Variants in RBBP5 observed in about 807,000 individuals in gnomAD.
The protein encoded by RBBP5 is RB binding protein 5, histone lysine methyltransferase complex subunit.
Under a neutral mutation model 72.2 loss-of-function variants are expected in RBBP5, and 5 were observed. That is an observed-to-expected ratio of 0.07 (90% CI 0.04 to 0.15). The LOEUF (loss-of-function observed/expected upper bound fraction) is 0.15, where lower values mean the gene tolerates loss of function less well. RBBP5 is among the 10% of genes least tolerant of loss of function. The pLI is 1.00. For missense variants in RBBP5, 322 were observed against 652.2 expected (o/e 0.49, Z 5.51); for synonymous variants, 209 against 237.2 (o/e 0.88, Z 1.09).
intron 3 of RBBP5, among the ~76,000 whole-genome samples, chr1:205,107,162 T>C (rs1400400302): frequency 6.6e-6 from 1 of 151,936 alleles, no homozygotes; most frequent in Non-Finnish European, 1.5e-5. Flanking sequence ...AGATGTAATA[T>C]TCATGTCATC....
intron 5 of RBBP5, among the ~76,000 whole-genome samples, chr1:205,102,016 C>T (rs111540200): frequency 0.1 from 15,308 of 151,752 alleles, 1,409 homozygotes; most frequent in African/African-American, 0.24. Context: ...CCTGCCTCAG[C>T]CTCCTGAGTA....
rs1212771071 is a variant in RBBP5, at chr1:205,103,935, G to A, written c.444C>T (p.Asp148=). Reference sequence around the variant, plus strand: ...CCACAACGTTCAAATCGGAGTCATCGTCCACCGGCAGAACAACATGTTTGG... The same window carrying A: ...CCACAACGTTCAAATCGGAGTCATCATCCACCGGCAGAACAACATGTTTGG... ...SDSKHVVLPV[D]DDSDLNVVAS... is the part of the protein sequence containing the mutation. Residue 148 remains aspartate, a synonymous_variant, in exon 5 of 14, where the codon GAC becomes GAT. Coordinates refer to ENST00000264515, the MANE Select transcript of RBBP5 (RefSeq NM_005057.4). The A allele has an allele frequency of 1.9e-5, 31 of 1,613,838 alleles. No homozygotes were observed. Among genetic ancestry groups the A allele is most frequent in the African/African-American group, 6.7e-5 (5 of 74,850 alleles).
At chr1:205,089,668 G>A (rs1655261470) in intron 13 of RBBP5, among the ~76,000 whole-genome samples, 1 of 152,138 alleles carries the variant, frequency 6.6e-6, no homozygotes, top group Non-Finnish European at 1.5e-5. Flanking sequence ...ATATTCACAT[G>A]TGCCTGAGAA....
chr1:205,099,499 T>C lies in RBBP5; in HGVS notation c.978+242A>G, dbSNP rs533311060. Among the ~76,000 whole-genome samples the C allele has an allele frequency of 8.5e-5, 13 of 152,120 alleles. No individual in the cohort carries two copies. The highest frequency in any genetic ancestry group is 6.5e-4 in the Admixed American group (10 of 15,272). On this transcript the variant is annotated intron_variant, in intron 9 of 13. Transcript: ENST00000264515. This position sits in a 1 kb window ranked among gnomAD's most constrained non-coding sequence, Gnocchi z 4.7. ...GAAAAATGTTATCTCAAATAAATAA[T>C]AGAAAAATGCAACAGAAAGTTCAAT...
chr1:205,094,816 G>A (rs1419295523), intron 13 of RBBP5, 57 bp downstream of exon 13: 2 of 1,515,280 alleles, frequency 1.3e-6, no homozygotes, highest in Non-Finnish European at 1.8e-6. Context: ...TGAAGTCAAG[G>A]GCTACACAAA....
intron 13 of RBBP5, among the ~76,000 whole-genome samples, chr1:205,092,294 G>A (rs1655379040): frequency 6.6e-6 from 1 of 152,164 alleles, no homozygotes. Context: ...GCCCCTTTGA[G>A]GTTTTTGGGT....
rs974084555 is a variant in RBBP5, at chr1:205,101,487, TA to T, written c.632+112del. Reference sequence around the variant, plus strand: ...ATTGTAAGTTTCTAAAAACCTTAAGTACATTTTTAAAAAATGCTTAAGTATA... The same window carrying T: ...ATTGTAAGTTTCTAAAAACCTTAAGTCATTTTTAAAAAATGCTTAAGTATA... On this transcript the variant is annotated intron_variant, in intron 6 of 13. Transcript: ENST00000264515. 20 of 680,734 alleles carry T rather than the reference TA, an allele frequency of 2.9e-5. No individual in the cohort carries two copies. The African/African-American group carries it at 3.2e-4, about 11-fold the overall frequency. The allele number at this position is 680,734 out of a possible 1,614,324, so 42.2% of individuals were successfully genotyped here.
At chr1:205,116,526 T>A (rs1656528683) in intron 1 of RBBP5, among the ~76,000 whole-genome samples, 1 of 152,126 alleles carries the variant, frequency 6.6e-6, no homozygotes, top group Admixed American at 6.6e-5. Context: ...TTTACTAAGG[T>A]AAGAGCAAGG....
At chr1:205,098,324 A>G (rs1655693722) in intron 10 of RBBP5, among the ~76,000 whole-genome samples, 1 of 152,186 alleles carries the variant, frequency 6.6e-6, no homozygotes, top group Non-Finnish European at 1.5e-5. Context: ...GACAGAATAC[A>G]TGGGAAAAGC....
At chr1:205,101,735 A>C in intron 5 of RBBP5, 26 bp from the exon 6 acceptor site, 1 of 1,506,798 alleles carries the variant, frequency 6.6e-7, no homozygotes, top group Non-Finnish European at 9.2e-7. Flanking sequence ...GGGGGGAAAA[A>C]AGTAAGTGTT....
chr1:205,121,918 C>G lies in RBBP5; in HGVS notation c.-45G>C. Reference sequence around the variant, plus strand: ...CCGGTCTCAGCTCCGGCAACAACACCTTCTCCCCGGCCGGCTTCAGCAACT... The same window carrying G: ...CCGGTCTCAGCTCCGGCAACAACACGTTCTCCCCGGCCGGCTTCAGCAACT... On this transcript the variant is annotated 5_prime_UTR_variant, in exon 1 of 14. Coordinates refer to ENST00000264515, the MANE Select transcript of RBBP5 (RefSeq NM_005057.4). 4.4e-6 allele frequency: 7 copies of G among 1,606,756 alleles called. No homozygotes were observed. The highest frequency in any genetic ancestry group is 2.2e-5 in the East Asian group (1 of 44,854).
intron 4 of RBBP5, among the ~76,000 whole-genome samples, 198 bp from the exon 5 acceptor site, chr1:205,104,217 A>G (rs1655958441): frequency 6.6e-6 from 1 of 152,128 alleles, no homozygotes; most frequent in Non-Finnish European, 1.5e-5. Flanking sequence ...AAAATAAAAC[A>G]TGATCATTAA....
chr1:205,097,491 A>G (rs1655661853), intron 10 of RBBP5, 96 bp from the exon 11 acceptor site: 4 of 1,196,362 alleles, frequency 3.3e-6, no homozygotes, highest in Non-Finnish European at 4.8e-6. Flanking sequence ...TTCCAGAGAA[A>G]CAAAGGAGGA....
intron 6 of RBBP5, among the ~76,000 whole-genome samples, chr1:205,101,191 T>C (rs547167999): frequency 2.6e-5 from 4 of 152,360 alleles, no homozygotes; most frequent in African/African-American, 9.6e-5. Context: ...TCTGTTGATA[T>C]ATTCTACGAC....
At chr1:205,121,713 C>T (rs562645003) in intron 1 of RBBP5, 142 bp downstream of exon 1, 1 of 1,367,258 alleles carries the variant, frequency 7.3e-7, no homozygotes. Flanking sequence ...TTCCTCCTCC[C>T]GCTGCTGCTC....
intron 6 of RBBP5, among the ~76,000 whole-genome samples, chr1:205,100,593 C>T (rs1370320402): frequency 6.6e-6 from 1 of 152,122 alleles, no homozygotes; most frequent in Admixed American, 6.6e-5. Flanking sequence ...GCCTGTTTTA[C>T]ACATAATATA....
intron 13 of RBBP5, among the ~76,000 whole-genome samples, chr1:205,093,629 A>G (rs567327759): frequency 4.0e-5 from 6 of 149,552 alleles, no homozygotes; most frequent in African/African-American, 1.5e-4. Flanking sequence ...GGACGTGGTA[A>G]CCATCAGTGC....
intron 3 of RBBP5, among the ~76,000 whole-genome samples, chr1:205,114,235 C>T (rs184655792): frequency 1.6e-4 from 25 of 152,210 alleles, no homozygotes; most frequent in Admixed American, 6.5e-4. Context: ...CTTTTGTTGG[C>T]CCCAAGTTCA....
chr1:205,105,409 G>A (rs1468039824), intron 3 of RBBP5, among the ~76,000 whole-genome samples: 2 of 152,204 alleles, frequency 1.3e-5, no homozygotes, highest in South Asian at 2.1e-4. Context: ...ACTATAAAGT[G>A]ACTCAGTGAA....
Sources: allele counts gnomAD v4.1 joint callset (sites outside exome capture counted in the v4.1 genomes callset), GRCh38; gene constraint gnomAD v4.1.1; non-coding constraint Gnocchi (gnomAD v3.1); transcripts MANE v1.5; gene names NCBI Gene and HGNC (gene_info 2026-07-23, HGNC 2026-07-21).